GUCY1A1: variants seen among roughly 807,000 people sequenced by gnomAD.
The protein encoded by GUCY1A1 is guanylate cyclase soluble subunit alpha-1.
A neutral mutation model predicts 64.5 loss-of-function variants in GUCY1A1; 48 were observed. The ratio of observed to expected loss-of-function variants is 0.74; its 90% CI spans 0.59 to 0.95. GUCY1A1 has a LOEUF of 0.95. Among genes scored for constraint, GUCY1A1 ranks in the 40% least tolerant of loss-of-function variants. The pLI is 0.00. For missense variants in GUCY1A1, 804 were observed against 825.3 expected (o/e 0.97, Z 0.32); for synonymous variants, 308 against 303.4 (o/e 1.02, Z -0.16).
intron 3 of GUCY1A1, among the ~76,000 whole-genome samples, chr4:155,702,579 C>T (rs1160566232): frequency 2.6e-5 from 4 of 152,170 alleles, no homozygotes; most frequent in African/African-American, 4.8e-5. Flanking sequence ...CCTCTGGGTG[C>T]GTCTTCCACC....
chr4:155,693,757 A>G (rs1730062196), intron 2 of GUCY1A1, among the ~76,000 whole-genome samples: 1 of 152,212 alleles, frequency 6.6e-6, no homozygotes, highest in Admixed American at 6.5e-5. Context: ...TTTCCTGGAA[A>G]TTATAGTACC....
chr4:155,730,001 A>G (rs755386986), intron 9 of GUCY1A1, 29 bp from the exon 10 acceptor site: 4 of 1,330,286 alleles, frequency 3.0e-6, no homozygotes, highest in South Asian at 2.4e-5. Context: ...ACAAACATTT[A>G]TGTCAGTATT....
At chr4:155,680,235 G>A (rs1735538791) in intron 2 of GUCY1A1, among the ~76,000 whole-genome samples, 1 of 152,122 alleles carries the variant, frequency 6.6e-6, no homozygotes, top group African/African-American at 2.4e-5. Context: ...AGTTTTCAGT[G>A]TAAAAGTCTT....
Position 155,673,590 on chromosome 4 carries a change from G to C in GUCY1A1, c.-113+6171G>C, listed in dbSNP as rs1338976867. On this transcript the variant is annotated intron_variant, in intron 2 of 9. Transcript: ENST00000506455. Reference sequence around the variant, plus strand: ...AACAGTAGGAAGAGTATTCTAGACAGAGGAAAGGAAAGGATTCACTGCAGG... The same window carrying C: ...AACAGTAGGAAGAGTATTCTAGACACAGGAAAGGAAAGGATTCACTGCAGG... 1.3e-5 allele frequency among the ~76,000 whole-genome samples: 2 copies of C among 151,394 alleles called. 1 individual carries two copies. The highest frequency in any genetic ancestry group is 4.9e-5 in the African/African-American group (2 of 40,730).
intron 2 of GUCY1A1, among the ~76,000 whole-genome samples, chr4:155,694,562 C>G (rs1421353548): frequency 6.6e-6 from 1 of 152,136 alleles, no homozygotes; most frequent in Non-Finnish European, 1.5e-5. Flanking sequence ...AACCAGGGGT[C>G]AGCAAACTAC....
At chr4:155,700,313 G>A (rs1721218773) in intron 3 of GUCY1A1, among the ~76,000 whole-genome samples, 1 of 152,138 alleles carries the variant, frequency 6.6e-6, no homozygotes, top group African/African-American at 2.4e-5. Flanking sequence ...CACGAGGTCT[G>A]TAGATGTGTT....
intron 2 of GUCY1A1, among the ~76,000 whole-genome samples, chr4:155,678,579 A>T (rs1182811965): frequency 1.3e-5 from 2 of 152,228 alleles, no homozygotes; most frequent in Non-Finnish European, 2.9e-5. Flanking sequence ...TAGATAAGTC[A>T]CTTGCCTAAT....
chr4:155,715,601 G>A (rs1176123921), intron 7 of GUCY1A1, among the ~76,000 whole-genome samples: 2 of 152,178 alleles, frequency 1.3e-5, no homozygotes, highest in African/African-American at 4.8e-5. Flanking sequence ...TGCACAAAGG[G>A]CTGCAAAAGC....
intron 2 of GUCY1A1, among the ~76,000 whole-genome samples, chr4:155,678,545 T>C (rs1303268065): frequency 6.6e-6 from 1 of 152,222 alleles, no homozygotes; most frequent in African/African-American, 2.4e-5. Context: ...GTTCTACAGA[T>C]GAAAAAATGG....
At chr4:155,709,597 G>A (rs1184058790) in intron 5 of GUCY1A1, among the ~76,000 whole-genome samples, 2 of 152,154 alleles carry the variant, frequency 1.3e-5, no homozygotes, top group Admixed American at 1.3e-4. Flanking sequence ...ACTTTAGGAG[G>A]CCGAGGTGGG....
At chr4:155,692,982 C>A (rs943187239) in intron 2 of GUCY1A1, among the ~76,000 whole-genome samples, 1 of 152,042 alleles carries the variant, frequency 6.6e-6, no homozygotes, top group African/African-American at 2.4e-5. Context: ...TTGCTTGAGC[C>A]CAGGAGGCGG....
At position 155,719,820 on chromosome 4, in the gene GUCY1A1, G is replaced by A. The variant is rs189531812; in HGVS notation, c.1717-2218G>A. 2.3e-3 allele frequency among the ~76,000 whole-genome samples: 345 copies of A among 152,202 alleles called. 3 individuals carry two copies. Among genetic ancestry groups the A allele is most frequent in the African/African-American group, 8.0e-3 (333 of 41,528 alleles). On this transcript the variant is annotated intron_variant, in intron 8 of 9. Transcript: ENST00000506455. ...TCCTTTCCTAAGCCTAGAAGCTTAT[G>A]ATGAGAAATGGGCTATGCCACAAGT... is the stretch of plus-strand genomic sequence containing the variant.
chr4:155,683,187 A>G (rs1449110499), intron 2 of GUCY1A1, among the ~76,000 whole-genome samples: 1 of 152,216 alleles, frequency 6.6e-6, no homozygotes, highest in Non-Finnish European at 1.5e-5. Context: ...AACTCTATGT[A>G]TAGTGAGATT....
intron 9 of GUCY1A1, chr4:155,722,553 C>A: frequency 1.9e-6 from 1 of 521,164 alleles, no homozygotes; most frequent in Non-Finnish European, 2.5e-6. Flanking sequence ...TCAGCACAGT[C>A]ATAACCACAA....
chr4:155,690,586 T>C (rs1729607010), intron 2 of GUCY1A1, among the ~76,000 whole-genome samples: 1 of 152,206 alleles, frequency 6.6e-6, no homozygotes, highest in Non-Finnish European at 1.5e-5. Flanking sequence ...TATCTTGCTC[T>C]GTCTTAACCT....
At chr4:155,692,757 TC>T (rs1272711477) in intron 2 of GUCY1A1, among the ~76,000 whole-genome samples, 2 of 152,194 alleles carry the variant, frequency 1.3e-5, no homozygotes, top group Non-Finnish European at 2.9e-5. Context: ...AACAAGATGT[TC>T]ATGCCTAATT....
chr4:155,668,049 A>G (rs184762606), intron 2 of GUCY1A1: 1 of 152,370 alleles, frequency 6.6e-6, no homozygotes, highest in Non-Finnish European at 1.5e-5. Context: ...GAGAGAGACA[A>G]ATGATTTACT....
rs758908794 is a variant in GUCY1A1 at position 155,713,418 on chromosome 4, G to T, written c.1407G>T (p.Gly469=). ...PCEVAQQLWQ[G]QVVQAKKFSN... ...AGGTTGCTCAGCAGCTGTGGCAAGG[G>T]CAAGTTGTGCAAGCCAAGAAGTTCA... Residue 469 remains glycine, a synonymous_variant, in exon 7 of 10, where the codon GGG becomes GGT. Transcript: ENST00000506455. The T allele has an allele frequency of 1.9e-6, 3 of 1,614,010 alleles. No individual in the cohort carries two copies. Among genetic ancestry groups the T allele is most frequent in the Non-Finnish European group, 2.5e-6 (3 of 1,180,014 alleles).
chr4:155,670,162 C>G (rs1002811215), intron 2 of GUCY1A1, among the ~76,000 whole-genome samples: 1 of 152,156 alleles, frequency 6.6e-6, no homozygotes, highest in African/African-American at 2.4e-5. Flanking sequence ...ATTTTGAAGG[C>G]ACTATTTTTA....
Sources: gnomAD v4.1 joint callset for allele counts (sites outside exome capture counted in the v4.1 genomes callset) on GRCh38, gnomAD v4.1.1 for gene constraint, MANE v1.5 for transcripts, NCBI Gene and HGNC (gene_info 2026-07-23, HGNC 2026-07-21) for gene names.